Variants in CHST9 observed in about 807,000 individuals in gnomAD.
CHST9 encodes the protein carbohydrate sulfotransferase 9, also known as GalNAc-4-sulfotransferase 2.
A neutral mutation model predicts 44.4 loss-of-function variants in CHST9; 41 were observed. The ratio of observed to expected loss-of-function variants is 0.92; its 90% CI spans 0.72 to 1.20. CHST9 has a LOEUF of 1.20. Ranked by LOEUF, CHST9 falls within the 50% of genes most tolerant of loss-of-function variation. CHST9 has a pLI of 0.00. For synonymous variants in CHST9, 171 were observed against 178.4 expected, an observed-to-expected ratio of 0.96 and a Z score of 0.33; for missense variants, 504 against 516.5, an observed-to-expected ratio of 0.98 and a Z score of 0.23.
intron 4 of CHST9, among the ~76,000 whole-genome samples, chr18:26,997,590 G>A (rs1318016647): frequency 6.6e-6 from 1 of 152,166 alleles, no homozygotes; most frequent in Non-Finnish European, 1.5e-5. Flanking sequence ...AAAGAGTTCT[G>A]CAAATGGAGT....
chr18:27,020,410 G>T (rs2057210535), intron 4 of CHST9, among the ~76,000 whole-genome samples: 1 of 152,352 alleles, frequency 6.6e-6, no homozygotes, highest in Non-Finnish European at 1.5e-5. Context: ...TCACAGAAGA[G>T]TGGGCTTTGG....
chr18:27,054,422 T>C (rs79907836), intron 2 of CHST9, among the ~76,000 whole-genome samples: 3,716 of 152,248 alleles, frequency 0.024, 61 homozygotes, highest in African/African-American at 0.039. Flanking sequence ...TTGCGATGAA[T>C]AAAAATGGAC....
chr18:27,128,441 T>A (rs995877433), intron 2 of CHST9, among the ~76,000 whole-genome samples: 5 of 152,094 alleles, frequency 3.3e-5, no homozygotes, highest in Admixed American at 2.0e-4. Context: ...GGCTAATTTT[T>A]GTATTTTTAG....
intron 1 of CHST9, among the ~76,000 whole-genome samples, chr18:27,154,269 A>T (rs9955310): frequency 0.33 from 49,776 of 151,980 alleles, 8,471 homozygotes; most frequent in East Asian, 0.48. Flanking sequence ...AGCATTTTAT[A>T]TTGATTATTT....
chr18:27,020,764 C>T (rs1201211292), intron 4 of CHST9, among the ~76,000 whole-genome samples: 3 of 152,034 alleles, frequency 2.0e-5, no homozygotes, highest in Non-Finnish European at 1.5e-5. Flanking sequence ...AAATTGAGGA[C>T]GAAAGCTCTA....
At chr18:27,058,080 G>GT (rs2057678792) in intron 2 of CHST9, among the ~76,000 whole-genome samples, 4 of 152,296 alleles carry the variant, frequency 2.6e-5, no homozygotes, top group South Asian at 4.2e-4. Context: ...ACCTTTAGAG[G>GT]TTGAAGTCAG....
At chr18:27,082,897 G>A (rs1262847866) in intron 2 of CHST9, among the ~76,000 whole-genome samples, 1 of 152,106 alleles carries the variant, frequency 6.6e-6, no homozygotes, top group East Asian at 1.9e-4. Context: ...GCAATCAGGA[G>A]ATTTTCACAA....
chr18:27,027,364 A>T (rs1023238681), intron 3 of CHST9, among the ~76,000 whole-genome samples: 3 of 152,230 alleles, frequency 2.0e-5, no homozygotes, highest in African/African-American at 7.2e-5. Context: ...AACTTTGTAG[A>T]TATTTGATCA....
At chr18:26,994,349 A>T (rs2056859973) in intron 4 of CHST9, among the ~76,000 whole-genome samples, 1 of 152,222 alleles carries the variant, frequency 6.6e-6, no homozygotes, top group African/African-American at 2.4e-5. Context: ...AACAGTTATG[A>T]TCAGCCAAAT....
At chr18:27,029,046 T>C (rs2057313153) in intron 3 of CHST9, among the ~76,000 whole-genome samples, 1 of 152,286 alleles carries the variant, frequency 6.6e-6, no homozygotes, top group Non-Finnish European at 1.5e-5. Context: ...AAGTCTAGAA[T>C]TCTTTTGCTC....
Position 27,108,729 on chromosome 18 carries a change from C to G in CHST9, c.121+33960G>C, listed in dbSNP as rs574412485. On this transcript the variant is annotated intron_variant, in intron 2 of 5. Coordinates refer to ENST00000618847, the MANE Select transcript of CHST9 (RefSeq NM_031422.6). ...TGTAAGAAAAATGATCACTTCTTATCCTACCAATCAGAAGTCATTATGATT... is the reference window on the plus strand; with the variant it reads ...TGTAAGAAAAATGATCACTTCTTATGCTACCAATCAGAAGTCATTATGATT... Among the ~76,000 whole-genome samples the G allele has an allele frequency of 9.7e-4, 147 of 152,216 alleles. 1 individual carries two copies. The highest frequency in any genetic ancestry group is 1.9e-3 in the Non-Finnish European group (132 of 68,006).
At chr18:27,178,775 G>C (rs1014243297) in intron 1 of CHST9, among the ~76,000 whole-genome samples, 2 of 151,874 alleles carry the variant, frequency 1.3e-5, no homozygotes, top group African/African-American at 4.8e-5. Flanking sequence ...TGCTGCACAG[G>C]ATTCATCTAC....
chr18:27,014,634 G>A (rs181781755), intron 4 of CHST9, among the ~76,000 whole-genome samples: 83 of 151,764 alleles, frequency 5.5e-4, no homozygotes, highest in South Asian at 4.2e-4. Context: ...TGAAAGCAGC[G>A]AATCAAAAAC....
rs887066938 is a variant in CHST9 at position 26,972,357 on chromosome 18, CAAAAAAAA to C, written c.203-27999_203-27992del. Reference sequence around the variant, plus strand: ...AGGTGACAGAGCAAGACTCCAACTCCAAAAAAAAAAAAAAAAAAAAAAAAGGAAGAAAA... The same window carrying C: ...AGGTGACAGAGCAAGACTCCAACTCCAAAAAAAAAAAAAAAAGGAAGAAAA... On this transcript the variant is annotated intron_variant, in intron 4 of 5. Coordinates refer to ENST00000618847, the MANE Select transcript of CHST9 (RefSeq NM_031422.6). Among the ~76,000 whole-genome samples the C allele has an allele frequency of 1.4e-4, 9 of 65,240 alleles. No individual in the cohort carries two copies. The South Asian group carries it at 5.0e-3, about 37-fold the overall frequency. The allele number at this position is 65,240 out of a possible 152,430, so 42.8% of individuals were successfully genotyped here. A position where few individuals can be genotyped will look rare whatever the true frequency, so the allele number is the denominator to read the frequency against.
intron 4 of CHST9, among the ~76,000 whole-genome samples, chr18:26,968,454 G>A (rs1026984630): frequency 6.6e-6 from 1 of 152,058 alleles, no homozygotes; most frequent in African/African-American, 2.4e-5. Flanking sequence ...CTAACCATTG[G>A]TGTTTATTTT....
chr18:26,944,268 A>T (rs961142132), intron 5 of CHST9, 61 bp downstream of exon 5: 3 of 1,245,356 alleles, frequency 2.4e-6, no homozygotes, highest in Non-Finnish European at 3.5e-6. Context: ...TTATATTTAC[A>T]CATGTTTATT....
At chr18:27,007,377 G>T (rs1392137302) in intron 4 of CHST9, among the ~76,000 whole-genome samples, 1 of 152,184 alleles carries the variant, frequency 6.6e-6, no homozygotes, top group African/African-American at 2.4e-5. Context: ...TAGCAAGGAG[G>T]TGACACTTAC....
intron 2 of CHST9, among the ~76,000 whole-genome samples, chr18:27,078,621 C>T (rs923908952): frequency 6.6e-6 from 1 of 152,184 alleles, no homozygotes; most frequent in Non-Finnish European, 1.5e-5. Flanking sequence ...GGCTTCCCCA[C>T]TAACAGGGAT....
intron 2 of CHST9, among the ~76,000 whole-genome samples, chr18:27,135,295 TTC>T (rs1459226459): frequency 6.6e-6 from 1 of 152,224 alleles, no homozygotes; most frequent in African/African-American, 2.4e-5. Context: ...GAGTATATTT[TTC>T]TGTCTGATTC....
Sources: allele counts gnomAD v4.1 joint callset (sites outside exome capture counted in the v4.1 genomes callset), GRCh38; gene constraint gnomAD v4.1.1; transcripts MANE v1.5; gene names NCBI Gene and HGNC (gene_info 2026-07-23, HGNC 2026-07-21).